The following CLVS1 variants were observed in gnomAD, a reference collection of about 807,000 sequenced individuals.
CLVS1 encodes clavesin-1.
A neutral mutation model predicts 33.1 loss-of-function variants in CLVS1; 10 were observed. The ratio of observed to expected loss-of-function variants is 0.30; its 90% CI spans 0.19 to 0.51. CLVS1 has a LOEUF of 0.51. Ranked by LOEUF, CLVS1 falls within the 20% of genes least tolerant of loss-of-function variation. CLVS1 has a pLI of 0.97. For synonymous variants in CLVS1, 163 were observed against 166.1 expected (o/e 0.98, Z 0.14); for missense variants, 343 against 433.4 (o/e 0.79, Z 1.85).
chr8:61,097,738 G>T (rs1353130199), intron 1 of CLVS1, among the ~76,000 whole-genome samples: 1 of 152,196 alleles, frequency 6.6e-6, no homozygotes, highest in African/African-American at 2.4e-5. Flanking sequence ...TATTATCTAT[G>T]TTGGTGTAGA....
At chr8:61,338,307 C>T (rs772843688) in intron 2 of CLVS1, among the ~76,000 whole-genome samples, 9 of 152,144 alleles carry the variant, frequency 5.9e-5, no homozygotes, top group Non-Finnish European at 1.0e-4. Flanking sequence ...TCATTTGCCA[C>T]GCATTTACCA....
chr8:60,981,821 A>T, the CLVS1 span, among the ~76,000 whole-genome samples: 1 of 152,234 alleles, frequency 6.6e-6, no homozygotes, highest in Non-Finnish European at 1.5e-5. Context: ...GTAAGGATGG[A>T]GGCCTGTGCA....
chr8:61,489,743 A>T (rs10109585), intron 5 of CLVS1, among the ~76,000 whole-genome samples: 2 of 151,988 alleles, frequency 1.3e-5, no homozygotes, highest in Admixed American at 6.6e-5. Context: ...TATTGAAATC[A>T]TCTTTTCCAA....
chr8:61,134,585 C>CT (rs1278045340), intron 2 of CLVS1, among the ~76,000 whole-genome samples: 1 of 152,166 alleles, frequency 6.6e-6, no homozygotes, highest in Non-Finnish European at 1.5e-5. Context: ...ATTCTCTTGC[C>CT]TTTTTGCAGT....
chr8:61,232,022 G>GTTTTTTTTTTTTTTTTTTT (rs376185436), intron 2 of CLVS1, among the ~76,000 whole-genome samples: 10 of 117,070 alleles, frequency 8.5e-5, no homozygotes, highest in African/African-American at 4.5e-4. Flanking sequence ...GGAAAGTTGT[G>GTTTTTTTTTTTTTTTTTTT]GTTTTTTTTT....
At chr8:60,991,529 T>C in the CLVS1 span, among the ~76,000 whole-genome samples, 1 of 152,204 alleles carries the variant, frequency 6.6e-6, no homozygotes, top group South Asian at 2.1e-4. Flanking sequence ...ACCCTTGGTA[T>C]ATAATCAGAA....
Position 61,062,808 on chromosome 8 carries a change from G to T in CLVS1, c.-243+5578G>T, listed in dbSNP as rs547455621. 2.0e-5 allele frequency among the ~76,000 whole-genome samples: 3 copies of T among 152,240 alleles called. No homozygotes were observed. In the South Asian group the frequency reaches 6.2e-4, roughly 32 times the overall value. On this transcript the variant is annotated intron_variant, in intron 1 of 2. Transcript: ENST00000522621. ...TTTCTAAATAAATGTCTGCGATTAG[G>T]TTATTCATTCTTCTTACAAACTCCT...
At chr8:61,357,516 T>TTTTTTTTTTTTTTTTTTTTTTTTTTTC (rs1812783543) in intron 2 of CLVS1, among the ~76,000 whole-genome samples, 1 of 121,982 alleles carries the variant, frequency 8.2e-6, no homozygotes. Context: ...TTTTTTTTTT[T>TTTTTTTTTTTTTTTTTTTTTTTTTTTC]TTTTTTGAGA....
At chr8:61,191,239 G>A (rs1585676243) in intron 2 of CLVS1, among the ~76,000 whole-genome samples, 3 of 152,110 alleles carry the variant, frequency 2.0e-5, no homozygotes, top group African/African-American at 4.8e-5. Context: ...ATCAATAAAC[G>A]TAATCCAGCA....
rs928237010 is a variant in CLVS1, at chr8:61,191,384, A to T, written c.-152+59524A>T. Among the ~76,000 whole-genome samples the T allele has an allele frequency of 3.3e-5, 5 of 152,218 alleles. 1 individual carries two copies. Among genetic ancestry groups the T allele is most frequent in the African/African-American group, 1.2e-4 (5 of 41,450 alleles). On this transcript the variant is annotated intron_variant, in intron 2 of 2. Transcript: ENST00000522621. ...ATTGATGGATGTATCTCAAAATAAT[A>T]AGAGCTATTTATGACAAACCCACAG...
At chr8:61,211,619 G>A (rs1807972599) in intron 2 of CLVS1, among the ~76,000 whole-genome samples, 3 of 152,216 alleles carry the variant, frequency 2.0e-5, no homozygotes, top group African/African-American at 7.2e-5. Flanking sequence ...CCAGGCAATG[G>A]TTGCAAGTAC....
chr8:61,133,873 G>A (rs935244438), intron 2 of CLVS1, among the ~76,000 whole-genome samples: 6 of 152,104 alleles, frequency 3.9e-5, no homozygotes, highest in African/African-American at 1.4e-4. Context: ...GGGAAATATA[G>A]CTCTAGAGCT....
intron 1 of CLVS1, among the ~76,000 whole-genome samples, chr8:61,116,488 G>GT (rs1805726789): frequency 2.0e-5 from 3 of 152,220 alleles, no homozygotes. Context: ...TTCTTCTAGG[G>GT]TTTTTATGGT....
intron 2 of CLVS1, among the ~76,000 whole-genome samples, chr8:61,361,432 G>A (rs1305275268): frequency 6.6e-6 from 1 of 152,184 alleles, no homozygotes; most frequent in African/African-American, 2.4e-5. Context: ...CAAGATGCTA[G>A]GTTGTCTCCT....
the CLVS1 span, among the ~76,000 whole-genome samples, chr8:60,980,576 A>T: frequency 6.6e-6 from 1 of 152,216 alleles, no homozygotes; most frequent in East Asian, 1.9e-4. Context: ...ACCTGAGGTC[A>T]GGATTTTGAG....
At chr8:61,318,374 C>A (rs571744804) in intron 2 of CLVS1, among the ~76,000 whole-genome samples, 1 of 152,226 alleles carries the variant, frequency 6.6e-6, no homozygotes, top group South Asian at 2.1e-4. Flanking sequence ...ACTTATTGAA[C>A]ATATACTGCA....
upstream of CLVS1, among the ~76,000 whole-genome samples, chr8:61,285,423 G>T (rs1473520271): frequency 1.3e-5 from 2 of 152,156 alleles, no homozygotes; most frequent in African/African-American, 4.8e-5. Flanking sequence ...ACATTGTGCT[G>T]ATGTTTTGCA....
rs1436738571 is a variant in CLVS1, at chr8:61,376,704, C to T, written c.555C>T (p.Asp185=). 6.2e-7 allele frequency: 1 copy of T among 1,614,130 alleles called. No homozygotes were observed. The highest frequency in any genetic ancestry group is 1.1e-5 in the South Asian group (1 of 91,086). The change falls in exon 3 of 6, where the codon GAC becomes GAT. Residue 185 remains aspartate (D), a synonymous_variant. Coordinates refer to ENST00000325897, the MANE Select transcript of CLVS1 (RefSeq NM_173519.3). The stretch of plus-strand genomic sequence containing the variant: ...TAAATGGCTTCATTTTAATTATAGA[C>T]TGGAGTAATTTTTCCTTCAAACAAG... The part of the protein sequence containing the change: ...LQINGFILII[D]WSNFSFKQAS...
At chr8:61,186,988 T>C (rs1376700676) in intron 2 of CLVS1, among the ~76,000 whole-genome samples, 1 of 152,206 alleles carries the variant, frequency 6.6e-6, no homozygotes, top group Non-Finnish European at 1.5e-5. Flanking sequence ...CCAATCTTGG[T>C]TTACTCAGAT....
Sources: allele counts gnomAD v4.1 joint callset (sites outside exome capture counted in the v4.1 genomes callset), GRCh38; gene constraint gnomAD v4.1.1; transcripts MANE v1.5; gene names NCBI Gene and HGNC (gene_info 2026-07-23, HGNC 2026-07-21).